Variants in EDN1 observed in about 807,000 individuals in gnomAD.
EDN1 encodes endothelin-1.
Under a neutral mutation model 21.7 loss-of-function variants are expected in EDN1, and 11 were observed. That is an observed-to-expected ratio of 0.51 (90% CI 0.32 to 0.84). EDN1 has a LOEUF of 0.84. Among genes scored for constraint, EDN1 ranks in the 40% least tolerant of loss-of-function variants. The pLI, the probability that EDN1 is intolerant of heterozygous loss-of-function variation, is 0.03. For missense variants in EDN1, 244 were observed against 262.3 expected, an observed-to-expected ratio of 0.93 and a Z score of 0.48; for synonymous variants, 85 against 90.6, an observed-to-expected ratio of 0.94 and a Z score of 0.35.
In EDN1 at chr6:12,296,387, A is replaced by T; in HGVS notation, c.*320A>T. On this transcript the variant is annotated 3_prime_UTR_variant, in exon 5 of 5. Coordinates refer to ENST00000379375, the MANE Select transcript of EDN1 (RefSeq NM_001955.5). ...GAGAGAGAGAGGAAGGAGATTCCAC[A>T]CAGGGGTGGAGTTTCTGACGAAGGT... 3.1e-6 allele frequency: 1 copy of T among 323,446 alleles called. No individual in the cohort carries two copies. Among genetic ancestry groups the T allele is most frequent in the South Asian group, 3.1e-5 (1 of 31,854 alleles). 20.0% of individuals were successfully genotyped at this position (323,446 alleles called of 1,614,324 possible). A position where few individuals can be genotyped will look rare whatever the true frequency, so the allele number is the denominator to read the frequency against.
At chr6:12,233,138 G>A in the EDN1 span, among the ~76,000 whole-genome samples, 19 of 152,130 alleles carry the variant, frequency 1.2e-4, no homozygotes, top group East Asian at 7.7e-4. Flanking sequence ...CCTTTCAGTT[G>A]CCTTCATCCA....
the EDN1 span, among the ~76,000 whole-genome samples, chr6:12,276,620 A>T: frequency 1.3e-5 from 2 of 152,186 alleles, no homozygotes; most frequent in Non-Finnish European, 2.9e-5. Flanking sequence ...CTTCATAAAT[A>T]TGTACGTTGG....
At chr6:12,288,352 G>GCTCTC (rs1272155675), upstream of EDN1, among the ~76,000 whole-genome samples, 2 of 152,172 alleles carry the variant, frequency 1.3e-5, no homozygotes, top group Non-Finnish European at 2.9e-5. Context: ...TGTGACATCA[G>GCTCTC]CTCTCCTCTC....
chr6:12,270,550 A>G, the EDN1 span, among the ~76,000 whole-genome samples: 1 of 151,630 alleles, frequency 6.6e-6, no homozygotes, highest in African/African-American at 2.4e-5. Context: ...GTCTTTCTGG[A>G]GCATGTTTAA....
rs1392929720 is a variant in EDN1 at position 12,296,621 on chromosome 6, T to C, written c.*554T>C. 6.3e-6 allele frequency: 1 copy of C among 158,202 alleles called. No homozygotes were observed. Among genetic ancestry groups the C allele is most frequent in the Non-Finnish European group, 1.4e-5 (1 of 71,106 alleles). 9.8% of individuals were successfully genotyped at this position (158,202 alleles called of 1,614,324 possible). ...ACTGTTACTACCATAAATCAGGATATGTTTCATGAATATGAGTCTACCTCA... is the reference window on the plus strand; with the variant it reads ...ACTGTTACTACCATAAATCAGGATACGTTTCATGAATATGAGTCTACCTCA... On this transcript the variant is annotated 3_prime_UTR_variant, in exon 5 of 5. Transcript: ENST00000379375.
At chr6:12,233,608 C>A in the EDN1 span, among the ~76,000 whole-genome samples, 5 of 152,134 alleles carry the variant, frequency 3.3e-5, no homozygotes, top group East Asian at 5.8e-4. Context: ...ACAGAGCCGA[C>A]CGCATGGGCA....
At chr6:12,249,787 A>G in the EDN1 span, among the ~76,000 whole-genome samples, 5 of 151,958 alleles carry the variant, frequency 3.3e-5, no homozygotes, top group Non-Finnish European at 5.9e-5. Context: ...GTGTGTTATC[A>G]TTTACTTCAT....
the EDN1 span, among the ~76,000 whole-genome samples, chr6:12,283,736 A>G: frequency 1.3e-5 from 2 of 152,214 alleles, no homozygotes; most frequent in Non-Finnish European, 2.9e-5. Flanking sequence ...TATTAACCAC[A>G]CATGTTGTCT....
At chr6:12,274,810 G>A in the EDN1 span, among the ~76,000 whole-genome samples, 101 of 152,324 alleles carry the variant, frequency 6.6e-4, no homozygotes, top group African/African-American at 2.4e-3. Context: ...GTGGGATTCA[G>A]CCCAAGCCTT....
At chr6:12,277,613 C>T in the EDN1 span, among the ~76,000 whole-genome samples, 1 of 152,122 alleles carries the variant, frequency 6.6e-6, no homozygotes, top group Non-Finnish European at 1.5e-5. Flanking sequence ...GAGGAAAGGG[C>T]CAAGGGCGAA....
chr6:12,252,549 C>T, the EDN1 span, among the ~76,000 whole-genome samples: 1 of 152,078 alleles, frequency 6.6e-6, no homozygotes, highest in Non-Finnish European at 1.5e-5. Flanking sequence ...GGGTTGGATG[C>T]CAATAGTGGT....
At chr6:12,233,139 C>A in the EDN1 span, among the ~76,000 whole-genome samples, 1 of 152,190 alleles carries the variant, frequency 6.6e-6, no homozygotes, top group Admixed American at 6.5e-5. Flanking sequence ...CTTTCAGTTG[C>A]CTTCATCCAA....
Position 12,290,459 on chromosome 6 carries a change from C to T in EDN1, c.-171C>T, listed in dbSNP as rs1023493426. The T allele has an allele frequency of 1.6e-6, 1 of 637,170 alleles. No individual in the cohort carries two copies. The highest frequency in any genetic ancestry group is 2.6e-5 in the Admixed American group (1 of 38,238). The allele number at this position is 637,170 out of a possible 1,614,324, so 39.5% of individuals were successfully genotyped here. On this transcript the variant is annotated 5_prime_UTR_variant, in exon 1 of 5. Transcript: ENST00000379375. The stretch of plus-strand genomic sequence containing the variant: ...GCGCCTGCAGACGCTCCGCTCGCTG[C>T]CTTCTCTCCTGGCAGGCGCTGCCTT...
the EDN1 span, among the ~76,000 whole-genome samples, chr6:12,268,792 A>T: frequency 6.6e-6 from 1 of 152,110 alleles, no homozygotes; most frequent in Non-Finnish European, 1.5e-5. Context: ...TGCTTTGGCT[A>T]TTTGGAGCCT....
chr6:12,277,625 C>A, the EDN1 span, among the ~76,000 whole-genome samples: 6 of 152,198 alleles, frequency 3.9e-5, no homozygotes, highest in African/African-American at 1.4e-4. Context: ...AAGGGCGAAT[C>A]TCTGGGAAAT....
chr6:12,282,006 C>T, the EDN1 span, among the ~76,000 whole-genome samples: 1 of 151,970 alleles, frequency 6.6e-6, no homozygotes, highest in East Asian at 1.9e-4. Flanking sequence ...GTTTTCTGGT[C>T]ATCTTTTGAG....
the EDN1 span, among the ~76,000 whole-genome samples, chr6:12,281,244 C>T: frequency 6.6e-6 from 1 of 152,204 alleles, no homozygotes; most frequent in African/African-American, 2.4e-5. Flanking sequence ...AGTCAACATT[C>T]AGTAATAGAA....
the EDN1 span, among the ~76,000 whole-genome samples, chr6:12,265,755 T>G: frequency 7.9e-5 from 12 of 152,256 alleles, no homozygotes; most frequent in Non-Finnish European, 1.8e-4. Context: ...GTTATATGTG[T>G]TGTTTAGTCC....
At chr6:12,236,982 C>G in the EDN1 span, among the ~76,000 whole-genome samples, 2 of 130,990 alleles carry the variant, frequency 1.5e-5, no homozygotes, top group East Asian at 2.6e-4. Context: ...CCCCTCCCCC[C>G]ACCCCACATC....
Sources: gnomAD v4.1 joint callset for allele counts (sites outside exome capture counted in the v4.1 genomes callset) on GRCh38, gnomAD v4.1.1 for gene constraint, MANE v1.5 for transcripts, NCBI Gene and HGNC (gene_info 2026-07-23, HGNC 2026-07-21) for gene names.